Variants in GALNT15 observed in about 807,000 individuals in gnomAD.
The protein encoded by GALNT15 is UDP-GalNAc transferase T15.
A neutral mutation model predicts 66.8 loss-of-function variants in GALNT15; 67 were observed. That is an observed-to-expected ratio of 1.00 (90% confidence interval 0.82 to 1.23). The LOEUF (loss-of-function observed/expected upper bound fraction) is 1.23, where lower values mean the gene tolerates loss of function less well. Among genes scored for constraint, GALNT15 ranks in the 50% most tolerant of loss-of-function variants. GALNT15 has a pLI of 0.00. For synonymous variants in GALNT15, 313 were observed against 311.5 expected (o/e 1.00, Z -0.05); for missense variants, 827 against 804.3 (o/e 1.03, Z -0.34).
chr3:16,215,674 G>A (rs1460989192), intron 6 of GALNT15, among the ~76,000 whole-genome samples: 1 of 152,112 alleles, frequency 6.6e-6, no homozygotes, highest in Non-Finnish European at 1.5e-5. Context: ...CACTTTGGGA[G>A]GCCGAGGTGG....
chr3:16,231,289 G>A (rs1405744433), downstream of GALNT15, among the ~76,000 whole-genome samples: 4 of 152,068 alleles, frequency 2.6e-5, no homozygotes, highest in African/African-American at 4.8e-5. The surrounding 1 kb of genome is among the most constrained non-coding windows in gnomAD (Gnocchi z 4.1). Flanking sequence ...AAACCTGCAC[G>A]TTCTGCACAT....
chr3:16,190,076 T>TTGAA (rs2063557169), intron 1 of GALNT15, among the ~76,000 whole-genome samples: 1 of 152,210 alleles, frequency 6.6e-6, no homozygotes, highest in Non-Finnish European at 1.5e-5. Context: ...GAATTGCAGT[T>TTGAA]TGGCCGCTTT....
the GALNT15 span, among the ~76,000 whole-genome samples, chr3:16,237,520 G>A: frequency 3.4e-4 from 52 of 152,240 alleles, 1 homozygote; most frequent in Non-Finnish European, 6.6e-4. The surrounding 1 kb of genome is among the most constrained non-coding windows in gnomAD (Gnocchi z 4.2). Flanking sequence ...TCTACTGGCC[G>A]TGCTGCTGAC....
the GALNT15 span, among the ~76,000 whole-genome samples, chr3:16,241,129 C>T: frequency 6.6e-6 from 1 of 152,096 alleles, no homozygotes; most frequent in Non-Finnish European, 1.5e-5. This position sits in a 1 kb window ranked among gnomAD's most constrained non-coding sequence, Gnocchi z 4.6. Context: ...CATATGTAGC[C>T]CTGTCTTAAC....
chr3:16,232,737 C>T (rs1295636232), downstream of GALNT15, among the ~76,000 whole-genome samples: 1 of 151,384 alleles, frequency 6.6e-6, no homozygotes, highest in African/African-American at 2.4e-5. Context: ...ATCCCTGTCC[C>T]TGGAGTGTGT....
rs1446287962 is a variant in GALNT15 at position 16,183,122 on chromosome 3, G to A, written c.539+7432G>A. 6.6e-6 allele frequency: 1 copy of A among 152,366 alleles called. No homozygotes were observed. The highest frequency in any genetic ancestry group is 1.5e-5 in the Non-Finnish European group (1 of 68,194). The allele number at this position is 152,366 out of a possible 1,614,324, so 9.4% of individuals were successfully genotyped here. A position where few individuals can be genotyped will look rare whatever the true frequency, so the allele number is the denominator to read the frequency against. On this transcript the variant is annotated intron_variant, in intron 1 of 9. Coordinates refer to ENST00000339732, the MANE Select transcript of GALNT15 (RefSeq NM_054110.5). The surrounding 1 kb of genome is among the most constrained non-coding windows in gnomAD (Gnocchi z 5.2). ...GAGGTAGATGCCAGGATCAGAGCAA[G>A]CCAAGGATCCCCTGAACCCCTCCAG... is the stretch of plus-strand genomic sequence containing the variant.
In GALNT15 at chr3:16,203,543, T is replaced by TCTCACACA. The variant is rs1491187404; in HGVS notation, c.911+2721_911+2722insTCACACAC. 7.7e-3 allele frequency among the ~76,000 whole-genome samples: 469 copies of TCTCACACA among 61,120 alleles called. 1 individual carries two copies. The highest frequency in any genetic ancestry group is 0.023 in the South Asian group (35 of 1,548). The allele number at this position is 61,120 out of a possible 152,430, so 40.1% of individuals were successfully genotyped here. On this transcript the variant is annotated intron_variant, in intron 3 of 9. Transcript: ENST00000339732. The surrounding 1 kb of genome is among the most constrained non-coding windows in gnomAD (Gnocchi z 6.2). ...CATTCTCTCTCTCTCTCTCTCTCTC[T>TCTCACACA]CACACACACACACACACACACACAC...
In GALNT15 at chr3:16,224,839, G is replaced by A. The variant is rs970827007; in HGVS notation, c.1773+2081G>A. Among the ~76,000 whole-genome samples the A allele has an allele frequency of 6.6e-6, 1 of 151,952 alleles. No individual in the cohort carries two copies. The highest frequency in any genetic ancestry group is 2.4e-5 in the African/African-American group (1 of 41,362). The stretch of plus-strand genomic sequence containing the variant: ...TTAGTAGAGACGGGGTTTCCTCCAT[G>A]TTGGCCAGGCTGGTCTCGAACTCCT... On this transcript the variant is annotated intron_variant, in intron 9 of 9. Coordinates refer to ENST00000339732, the MANE Select transcript of GALNT15 (RefSeq NM_054110.5). The surrounding 1 kb of genome is among the most constrained non-coding windows in gnomAD (Gnocchi z 5.2).
Position 16,175,099 on chromosome 3 carries a change from C to T in GALNT15, c.-53C>T, listed in dbSNP as rs199506491. On this transcript the variant is annotated 5_prime_UTR_variant, in exon 1 of 10. Transcript: ENST00000339732. This position sits in a 1 kb window ranked among gnomAD's most constrained non-coding sequence, Gnocchi z 5.6. ...GCTGCAAGCTTGAAGGAGCCTGGAG[C>T]GGGAGAAAGCTAACTTGAACATGAC... 108 of 1,536,944 alleles carry T rather than the reference C, an allele frequency of 7.0e-5. No homozygotes were observed. The highest frequency in any genetic ancestry group is 3.5e-4 in the Middle Eastern group (2 of 5,750).
At position 16,227,858 on chromosome 3, in the gene GALNT15, T is replaced by C. The variant is rs565643662; in HGVS notation, c.*358T>C. 5.7e-5 allele frequency: 59 copies of C among 1,035,372 alleles called. 1 individual carries two copies. In the South Asian group the frequency reaches 2.0e-3, roughly 35 times the overall value. The allele number at this position is 1,035,372 out of a possible 1,614,324, so 64.1% of individuals were successfully genotyped here. On this transcript the variant is annotated 3_prime_UTR_variant, in exon 10 of 10. Coordinates refer to ENST00000339732, the MANE Select transcript of GALNT15 (RefSeq NM_054110.5). This position sits in a 1 kb window ranked among gnomAD's most constrained non-coding sequence, Gnocchi z 4.5. ...GCACCTCCAGGATACATAAATTCAA[T>C]GGATCAATTTATTTGTCTTCAAATG...
At chr3:16,213,084 C>T (rs2063834579) in intron 6 of GALNT15, among the ~76,000 whole-genome samples, 1 of 152,056 alleles carries the variant, frequency 6.6e-6, no homozygotes, top group South Asian at 2.1e-4. Context: ...TCTCCAAGGC[C>T]AGGTCTCCTT....
At position 16,195,591 on chromosome 3, in the gene GALNT15, C is replaced by G. The variant is rs527459261; in HGVS notation, c.540-169C>G. ...GAGAATTGGGAGATAGTAGACAGCA[C>G]CACTATGAGGCGTAACAGGTTCTTT... On this transcript the variant is annotated intron_variant, in intron 1 of 9. Coordinates refer to ENST00000339732, the MANE Select transcript of GALNT15 (RefSeq NM_054110.5). The surrounding 1 kb of genome is among the most constrained non-coding windows in gnomAD (Gnocchi z 4.6). Among the ~76,000 whole-genome samples, 1 of 152,176 alleles carries G rather than the reference C, an allele frequency of 6.6e-6. No homozygotes were observed. Among genetic ancestry groups the G allele is most frequent in the Non-Finnish European group, 1.5e-5 (1 of 68,040 alleles).
At chr3:16,190,728 T>C (rs1401546227) in intron 1 of GALNT15, among the ~76,000 whole-genome samples, 1 of 151,940 alleles carries the variant, frequency 6.6e-6, no homozygotes, top group Admixed American at 6.6e-5. Context: ...TTGTCAAATT[T>C]GGGTTATAAT....
rs575388602 is a variant in GALNT15, at chr3:16,206,670, C to CT, written c.912-1832dup. 2.7e-4 allele frequency among the ~76,000 whole-genome samples: 19 copies of CT among 69,594 alleles called. 1 individual carries two copies. The highest frequency in any genetic ancestry group is 1.2e-3 in the African/African-American group (17 of 14,484). The allele number at this position is 69,594 out of a possible 152,430, so 45.7% of individuals were successfully genotyped here. ...CCTGGATAACAAAGCGAGACTCTGT[C>CT]TAAAAAAAAAAAAAAAAAAAAAAAA... On this transcript the variant is annotated intron_variant, in intron 3 of 9. Transcript: ENST00000339732.
the GALNT15 span, among the ~76,000 whole-genome samples, chr3:16,246,886 C>G: frequency 1.3e-5 from 2 of 152,074 alleles, no homozygotes; most frequent in South Asian, 4.1e-4. Flanking sequence ...AGTTGTGAGG[C>G]CTATGGCTTG....
intron 1 of GALNT15, among the ~76,000 whole-genome samples, chr3:16,190,511 G>A (rs900982382): frequency 2.0e-5 from 3 of 152,016 alleles, no homozygotes; most frequent in Non-Finnish European, 2.9e-5. Context: ...GGTGGCGGGC[G>A]CCTGTAGTCC....
intron 8 of GALNT15, among the ~76,000 whole-genome samples, chr3:16,220,934 C>T (rs1006816725): frequency 6.6e-6 from 1 of 152,182 alleles, no homozygotes; most frequent in South Asian, 2.1e-4. Flanking sequence ...TCTCCTAGGA[C>T]ATACTGATAG....
rs1056842253 is a variant in GALNT15 at position 16,203,757 on chromosome 3, G to A, written c.911+2934G>A. 6.6e-6 allele frequency among the ~76,000 whole-genome samples: 1 copy of A among 152,068 alleles called. No individual in the cohort carries two copies. The highest frequency in any genetic ancestry group is 2.4e-5 in the African/African-American group (1 of 41,404). ...CAGCTTTTAGGCACTGGCAGGTGAG[G>A]ATCTGGAAGAAAAGCCACCTTTCTG... is the stretch of plus-strand genomic sequence containing the variant. On this transcript the variant is annotated intron_variant, in intron 3 of 9. Transcript: ENST00000339732. The surrounding 1 kb of genome is among the most constrained non-coding windows in gnomAD (Gnocchi z 6.2).
At chr3:16,243,571 A>G in the GALNT15 span, among the ~76,000 whole-genome samples, 1 of 152,210 alleles carries the variant, frequency 6.6e-6, no homozygotes, top group Non-Finnish European at 1.5e-5. Context: ...CAGGTGTAGC[A>G]AGGAAGACCA....
Sources: gnomAD v4.1 joint callset for allele counts (sites outside exome capture counted in the v4.1 genomes callset) on GRCh38, gnomAD v4.1.1 for gene constraint, Gnocchi (gnomAD v3.1) non-coding constraint, MANE v1.5 for transcripts, NCBI Gene and HGNC (gene_info 2026-07-23, HGNC 2026-07-21) for gene names.